HCLS1: variants seen among roughly 807,000 people sequenced by gnomAD.
HCLS1 encodes hematopoietic cell-specific Lyn substrate 1.
A neutral mutation model predicts 68.6 loss-of-function variants in HCLS1; 44 were observed. The ratio of observed to expected loss-of-function variants is 0.64; its 90% CI spans 0.50 to 0.82. The LOEUF (loss-of-function observed/expected upper bound fraction) is 0.82. HCLS1 is among the 40% of genes least tolerant of loss of function. The probability of loss-of-function intolerance (pLI) is 0.00; values close to 1 mark genes in which losing one functional copy is unlikely to be tolerated. For missense variants in HCLS1, 602 were observed against 612.1 expected (o/e 0.98, Z 0.17); for synonymous variants, 217 against 225.8 (o/e 0.96, Z 0.35).
intron 3 of HCLS1, among the ~76,000 whole-genome samples, chr3:121,651,328 GA>G (rs1937744440): frequency 1.3e-5 from 2 of 152,182 alleles, no homozygotes; most frequent in African/African-American, 4.8e-5. Flanking sequence ...GAAGATATAT[GA>G]AGATATATGA....
At position 121,642,960 on chromosome 3, in the gene HCLS1, T is replaced by C; in HGVS notation, c.421A>G (p.Lys141Glu). ...ADKSAVGFDYKGEVEKHTSQK... is the reference protein window; with the variant it reads ...ADKSAVGFDYEGEVEKHTSQK... ...GATGTGTGCTTCTCCACTTCTCCTTTATAATCAAAGCCGACTGCTGACTAC... is the reference window on the plus strand; with the variant it reads ...GATGTGTGCTTCTCCACTTCTCCTTCATAATCAAAGCCGACTGCTGACTAC... The change falls in exon 6 of 14, where the codon AAA (lysine) becomes GAA (glutamate). Residue 141 changes from lysine to glutamate, a missense_variant. Physicochemically the swap from Lys to Glu is moderately conservative, Grantham distance 56. Transcript: ENST00000314583. The C allele has an allele frequency of 6.2e-7, 1 of 1,613,400 alleles. No individual in the cohort carries two copies. The highest frequency in any genetic ancestry group is 8.5e-7 in the Non-Finnish European group (1 of 1,179,374).
chr3:121,646,304 TACTTATATAA>T (rs2049247422), intron 4 of HCLS1, among the ~76,000 whole-genome samples: 5 of 107,198 alleles, frequency 4.7e-5, no homozygotes, highest in Non-Finnish European at 6.6e-5. Flanking sequence ...ATATTTTATA[TACTTATATAA>T]TATAATATAT....
At chr3:121,635,376 C>G (rs1211547576) in intron 9 of HCLS1, among the ~76,000 whole-genome samples, 1 of 151,772 alleles carries the variant, frequency 6.6e-6, no homozygotes, top group East Asian at 1.9e-4. Context: ...CTCCTGGGTT[C>G]AAGTGATTCT....
chr3:121,649,233 TTTA>T (rs571491713), intron 3 of HCLS1, among the ~76,000 whole-genome samples: 5 of 151,688 alleles, frequency 3.3e-5, no homozygotes, highest in East Asian at 3.9e-4. Flanking sequence ...TAAACAGGTC[TTTA>T]TTATTATTAT....
At position 121,631,908 on chromosome 3, in the gene HCLS1, G is replaced by A. The variant is rs747473070; in HGVS notation, c.1399C>T (p.Arg467Trp). Reference protein sequence around the residue: ...DIEMVDEGWWRGRCHGHFGLF... With the variant: ...DIEMVDEGWWWGRCHGHFGLF... ...CCAAAGTGGCCATGGCAACGTCCCCGCCACCAGCCCTCGTCCACCATCTCA... is the reference window on the plus strand; with the variant it reads ...CCAAAGTGGCCATGGCAACGTCCCCACCACCAGCCCTCGTCCACCATCTCA... Residue 467 changes from arginine (R) to tryptophan (W), a missense_variant, in exon 14 of 14, where the codon CGG (arginine) becomes TGG (tryptophan). Transcript: ENST00000314583. The A allele has an allele frequency of 2.0e-5, 32 of 1,613,994 alleles. No individual in the cohort carries two copies. Among genetic ancestry groups the A allele is most frequent in the East Asian group, 2.2e-5 (1 of 44,884 alleles).
Position 121,633,150 on chromosome 3 carries a change from G to A in HCLS1, c.925C>T (p.Pro309Ser), listed in dbSNP as rs771797629. The change falls in exon 11 of 14, where the codon CCT becomes TCT. Residue 309 changes from proline to serine, a missense_variant. Pro to Ser is a moderately conservative substitution (Grantham distance 74). Coordinates refer to ENST00000314583, the MANE Select transcript of HCLS1 (RefSeq NM_005335.6). Reference protein sequence around the residue: ...SSEAWPPVGTPPSSESEPVRT... With the variant: ...SSEAWPPVGTSPSSESEPVRT... ...ACAGGCTCAGACTCTGATGATGGAG[G>A]AGTCCCAACTGGAGGCCAGGCCTGT... The A allele has an allele frequency of 1.9e-6, 3 of 1,610,990 alleles. No individual in the cohort carries two copies. The highest frequency in any genetic ancestry group is 1.7e-5 in the Admixed American group (1 of 59,664).
At chr3:121,636,523 C>G in intron 7 of HCLS1, 34 bp from the exon 8 acceptor site, 1 of 1,553,264 alleles carries the variant, frequency 6.4e-7, no homozygotes, top group South Asian at 1.1e-5. Context: ...TATAGGAGAT[C>G]AAAATGCTGG....
chr3:121,647,570 A>G (rs1445953298), intron 3 of HCLS1, 122 bp from the exon 4 acceptor site: 1 of 924,364 alleles, frequency 1.1e-6, no homozygotes, highest in African/African-American at 1.7e-5. Flanking sequence ...TGGGCCCCCA[A>G]AATATACTAG....
chr3:121,637,165 C>T lies in HCLS1; in HGVS notation c.546G>A (p.Glu182=), dbSNP rs2108858401. The T allele has an allele frequency of 1.9e-6, 3 of 1,612,860 alleles. No homozygotes were observed. In the South Asian group the frequency reaches 3.3e-5, roughly 18 times the overall value. ...ACTCACCTCTCTGGGACTCGTGTTT[C>T]TCCGTCTCTCCCTTGTAGTCATATC... ...ALGYDYKGET[E]KHESQRDYAK... is the part of the protein sequence containing the mutation. The change falls in exon 7 of 14, where the codon GAG becomes GAA. Residue 182 remains glutamate (E), a synonymous_variant. Transcript: ENST00000314583.
chr3:121,652,243 A>G (rs1937766983), intron 3 of HCLS1, among the ~76,000 whole-genome samples: 1 of 152,232 alleles, frequency 6.6e-6, no homozygotes, highest in African/African-American at 2.4e-5. Context: ...AAAGAGGTGC[A>G]GGGAAATTTT....
chr3:121,644,944 G>C lies in HCLS1; in HGVS notation c.289-16C>G, dbSNP rs368774232. ...CCACTGCACTCTGAGAAAAATCAAG[G>C]ATGGAGTGAGTGAAAAGATAAAAAT... On this transcript the variant is annotated splice_polypyrimidine_tract_variant and intron_variant, in intron 4 of 13. Coordinates refer to ENST00000314583, the MANE Select transcript of HCLS1 (RefSeq NM_005335.6). 1 of 1,559,812 alleles carries C rather than the reference G, an allele frequency of 6.4e-7. No individual in the cohort carries two copies. Among genetic ancestry groups the C allele is most frequent in the African/African-American group, 1.4e-5 (1 of 73,920 alleles).
chr3:121,659,360 C>T (rs1475851604), intron 1 of HCLS1, among the ~76,000 whole-genome samples: 3 of 152,166 alleles, frequency 2.0e-5, no homozygotes, highest in Non-Finnish European at 4.4e-5. Context: ...GACTTCTTGA[C>T]CCTGGCAGCA....
intron 3 of HCLS1, chr3:121,656,079 C>T (rs1236806864): frequency 6.6e-6 from 1 of 151,986 alleles, no homozygotes; most frequent in Non-Finnish European, 1.5e-5. Context: ...GAACTCCTGA[C>T]CTCAAGTGAT....
intron 6 of HCLS1, among the ~76,000 whole-genome samples, chr3:121,642,051 GC>G: frequency 7.4e-6 from 1 of 134,318 alleles, no homozygotes; most frequent in African/African-American, 2.8e-5. Flanking sequence ...CTGCACTCCA[GC>G]CTGGGCGACA....
rs2107469216 is a variant in HCLS1, at chr3:121,644,898, C to T, written c.319G>A (p.Val107Met). ...TCCGTCTGAGAAGAGTGCTTCTCCACCTCGGCAACATACTCATGGCCCACT... is the reference window on the plus strand; with the variant it reads ...TCCGTCTGAGAAGAGTGCTTCTCCATCTCGGCAACATACTCATGGCCCACT... ...SAVGHEYVAE[V>M]EKHSSQTDAA... Residue 107 changes from valine to methionine, a missense_variant, in exon 5 of 14, where the codon GTG becomes ATG. By Grantham distance (21) the Val-to-Met change is conservative. Transcript: ENST00000314583. 1 of 1,614,016 alleles carries T rather than the reference C, an allele frequency of 6.2e-7. No individual in the cohort carries two copies. Among genetic ancestry groups the T allele is most frequent in the East Asian group, 2.2e-5 (1 of 44,880 alleles).
chr3:121,650,884 T>A (rs1420896141), intron 3 of HCLS1, among the ~76,000 whole-genome samples: 1 of 152,162 alleles, frequency 6.6e-6, no homozygotes. Flanking sequence ...ACGCCTGTAA[T>A]CTCAGCACTT....
At chr3:121,653,053 T>C (rs1285891781) in intron 3 of HCLS1, among the ~76,000 whole-genome samples, 2 of 152,184 alleles carry the variant, frequency 1.3e-5, no homozygotes, top group African/African-American at 4.8e-5. Flanking sequence ...TTTTGGAATA[T>C]TTGCATATAC....
chr3:121,659,946 T>G (rs956280246), intron 1 of HCLS1, among the ~76,000 whole-genome samples: 1 of 152,192 alleles, frequency 6.6e-6, no homozygotes, highest in Admixed American at 6.5e-5. Flanking sequence ...TAGAGACAAT[T>G]TATCTAATAT....
At chr3:121,658,511 G>A (rs571929722) in intron 1 of HCLS1, among the ~76,000 whole-genome samples, 164 bp from the exon 2 acceptor site, 1 of 152,302 alleles carries the variant, frequency 6.6e-6, no homozygotes, top group East Asian at 1.9e-4. Flanking sequence ...TTGTAGGAAG[G>A]CTTTTCTGCT....
Sources: gnomAD v4.1 joint callset for allele counts (sites outside exome capture counted in the v4.1 genomes callset) on GRCh38, gnomAD v4.1.1 for gene constraint, MANE v1.5 for transcripts, NCBI Gene and HGNC (gene_info 2026-07-23, HGNC 2026-07-21) for gene names.